Variants in GPC6 observed in about 807,000 individuals in gnomAD.
GPC6 encodes glypican 6, also known as glypican-6.
A neutral mutation model predicts 55.2 loss-of-function variants in GPC6; 14 were observed. The ratio of observed to expected loss-of-function variants is 0.25; its 90% CI spans 0.17 to 0.40. The LOEUF (loss-of-function observed/expected upper bound fraction) is 0.40, where lower values mean the gene tolerates loss of function less well. GPC6 is among the 10% of genes least tolerant of loss of function. GPC6 has a pLI of 1.00. For missense variants in GPC6, 641 were observed against 708.5 expected, an observed-to-expected ratio of 0.90 and a Z score of 1.08; for synonymous variants, 278 against 259.6, an observed-to-expected ratio of 1.07 and a Z score of -0.68.
intron 1 of GPC6, among the ~76,000 whole-genome samples, chr13:93,517,879 T>C (rs570412660): frequency 6.6e-6 from 1 of 152,124 alleles, no homozygotes; most frequent in Non-Finnish European, 1.5e-5. Flanking sequence ...TTTTAGTCTA[T>C]TCAATGCTTA....
intron 1 of GPC6, among the ~76,000 whole-genome samples, chr13:93,244,259 C>T (rs1002752127): frequency 1.3e-5 from 2 of 152,222 alleles, no homozygotes; most frequent in African/African-American, 4.8e-5. Context: ...CAGACTTCTG[C>T]TGGCAGAAAG....
rs970329558 is a variant in GPC6 at position 93,255,665 on chromosome 13, C to A, written c.160+28049C>A. On this transcript the variant is annotated intron_variant, in intron 1 of 8. Transcript: ENST00000377047. ...TTGAATGAAAGGTATATCATGGTGC[C>A]AAAAACCTTCAACATTTAGCCTTGG... is the stretch of plus-strand genomic sequence containing the variant. Among the ~76,000 whole-genome samples the A allele has an allele frequency of 5.9e-5, 9 of 152,188 alleles. No homozygotes were observed. In the East Asian group the frequency reaches 1.7e-3, roughly 29 times the overall value.
chr13:93,453,824 G>A (rs1208444079), intron 1 of GPC6, among the ~76,000 whole-genome samples: 2 of 152,132 alleles, frequency 1.3e-5, no homozygotes, highest in East Asian at 3.9e-4. Flanking sequence ...CCCAAACAGT[G>A]AGCAGTAGCA....
At chr13:93,928,408 T>C (rs898423991) in intron 3 of GPC6, among the ~76,000 whole-genome samples, 4 of 152,198 alleles carry the variant, frequency 2.6e-5, no homozygotes, top group African/African-American at 9.6e-5. Context: ...GCGATTCATA[T>C]ATAAAGTGTA....
At chr13:93,727,204 GTAA>G (rs1883674531) in intron 2 of GPC6, among the ~76,000 whole-genome samples, 1 of 152,084 alleles carries the variant, frequency 6.6e-6, no homozygotes, top group Admixed American at 6.6e-5. Flanking sequence ...GAAGATAATA[GTAA>G]TAATATTTTC....
At chr13:93,914,172 C>G (rs1877161871) in intron 3 of GPC6, among the ~76,000 whole-genome samples, 1 of 152,108 alleles carries the variant, frequency 6.6e-6, no homozygotes, top group Non-Finnish European at 1.5e-5. Flanking sequence ...CCCATCAACT[C>G]GTCATTTAAC....
chr13:94,351,246 A>G (rs911469386), intron 6 of GPC6, among the ~76,000 whole-genome samples: 5 of 151,712 alleles, frequency 3.3e-5, no homozygotes, highest in African/African-American at 2.4e-5. Context: ...ATCGGTGGCA[A>G]TTTTTCCCCA....
intron 3 of GPC6, among the ~76,000 whole-genome samples, chr13:93,978,607 TTTC>T (rs1387243756): frequency 6.6e-6 from 1 of 152,052 alleles, no homozygotes; most frequent in Admixed American, 6.6e-5. Flanking sequence ...ACATATTGTG[TTTC>T]TTCTTCTTAG....
intron 4 of GPC6, among the ~76,000 whole-genome samples, chr13:94,263,137 C>T (rs1466989334): frequency 6.6e-6 from 1 of 152,188 alleles, no homozygotes; most frequent in Non-Finnish European, 1.5e-5. Context: ...CAGAAAGTAG[C>T]CTCATTTGTA....
At chr13:93,432,725 G>A (rs1877407915) in intron 1 of GPC6, among the ~76,000 whole-genome samples, 1 of 152,190 alleles carries the variant, frequency 6.6e-6, no homozygotes, top group Admixed American at 6.6e-5. Context: ...ATGACAAAGT[G>A]AGGTAGAAAA....
intron 4 of GPC6, among the ~76,000 whole-genome samples, chr13:94,252,389 T>C (rs1891378430): frequency 6.6e-6 from 1 of 152,122 alleles, no homozygotes; most frequent in African/African-American, 2.4e-5. Context: ...TCTGGTGATG[T>C]CTGTTTTTGT....
intron 4 of GPC6, among the ~76,000 whole-genome samples, chr13:94,193,819 C>G (rs1163660741): frequency 2.0e-5 from 3 of 152,148 alleles, no homozygotes; most frequent in African/African-American, 7.2e-5. Context: ...TGGCTTTTGT[C>G]CACAGTTGAA....
Position 94,089,287 on chromosome 13 carries a change from G to A in GPC6, c.877+61393G>A, listed in dbSNP as rs1263127104. On this transcript the variant is annotated intron_variant, in intron 4 of 8. Coordinates refer to ENST00000377047, the MANE Select transcript of GPC6 (RefSeq NM_005708.5). ...TGAGAGAGAGATGGATTAGGTCAGA[G>A]CCCCTACCAAGGAAACCTTCAATCT... Among the ~76,000 whole-genome samples the A allele has an allele frequency of 3.3e-5, 5 of 152,304 alleles. No individual in the cohort carries two copies. The East Asian group carries it at 9.7e-4, about 29-fold the overall frequency.
chr13:93,984,316 AG>A (rs1302957944), intron 3 of GPC6, among the ~76,000 whole-genome samples: 2 of 152,166 alleles, frequency 1.3e-5, no homozygotes, highest in East Asian at 3.9e-4. Context: ...TGCATGAAGG[AG>A]GCTTTACGTA....
chr13:94,077,288 T>C (rs1319407017), intron 4 of GPC6, among the ~76,000 whole-genome samples: 1 of 151,910 alleles, frequency 6.6e-6, no homozygotes, highest in Non-Finnish European at 1.5e-5. Context: ...AGCTCATTGT[T>C]AATGTATAGA....
intron 2 of GPC6, among the ~76,000 whole-genome samples, chr13:93,710,690 C>A (rs1167136844): frequency 8.4e-6 from 1 of 119,102 alleles, no homozygotes; most frequent in South Asian, 2.6e-4. Flanking sequence ...ATTTAAAGTC[C>A]CCCCCCCCAA....
intron 1 of GPC6, among the ~76,000 whole-genome samples, chr13:93,419,929 T>C (rs998863933): frequency 6.6e-6 from 1 of 151,964 alleles, no homozygotes; most frequent in Admixed American, 6.6e-5. Flanking sequence ...ATTGTAGAAG[T>C]AGGAGGTTGT....
intron 3 of GPC6, among the ~76,000 whole-genome samples, chr13:93,941,186 T>TA (rs562314139): frequency 2.2e-3 from 337 of 151,986 alleles, no homozygotes; most frequent in African/African-American, 5.5e-3. Context: ...TATCCAGTAA[T>TA]AAAAAAAACC....
intron 4 of GPC6, among the ~76,000 whole-genome samples, chr13:94,168,757 A>G (rs1434245242): frequency 6.7e-6 from 1 of 149,536 alleles, no homozygotes; most frequent in African/African-American, 2.4e-5. Context: ...ACTGAATTGG[A>G]GTAAAGGCGA....
Sources: gnomAD v4.1 joint callset for allele counts (sites outside exome capture counted in the v4.1 genomes callset) on GRCh38, gnomAD v4.1.1 for gene constraint, MANE v1.5 for transcripts, NCBI Gene and HGNC (gene_info 2026-07-23, HGNC 2026-07-21) for gene names.